Variants in MGRN1 observed in about 807,000 individuals in gnomAD.
MGRN1 encodes mahogunin ring finger 1.
Under a neutral mutation model 69.2 loss-of-function variants are expected in MGRN1, and 29 were observed. The ratio of observed to expected loss-of-function variants is 0.42; its 90% CI spans 0.31 to 0.57. MGRN1 has a LOEUF of 0.57. Among genes scored for constraint, MGRN1 ranks in the 20% least tolerant of loss-of-function variants. MGRN1 has a pLI of 0.15. For synonymous variants in MGRN1, 470 were observed against 344.2 expected (o/e 1.37, Z -4.04); for missense variants, 998 against 796.2 (o/e 1.25, Z -3.05).
intron 13 of MGRN1, 112 bp downstream of exon 13, chr16:4,681,888 C>A: frequency 9.0e-7 from 1 of 1,111,108 alleles, no homozygotes; most frequent in Non-Finnish European, 1.3e-6. Context: ...GGCGATTCCC[C>A]AGAAGGACTC....
At position 4,625,054 on chromosome 16, in the gene MGRN1, C is replaced by T; in HGVS notation, c.88+6C>T. The T allele has an allele frequency of 2.6e-6, 4 of 1,538,030 alleles. No individual in the cohort carries two copies. The highest frequency in any genetic ancestry group is 2.0e-5 in the Admixed American group (1 of 49,692). ...TCGCTACCCTCCGAAGTCCGGTGAGCGCCCGGCCCCAGGCGCGGACTGCTA... is the reference window on the plus strand; with the variant it reads ...TCGCTACCCTCCGAAGTCCGGTGAGTGCCCGGCCCCAGGCGCGGACTGCTA... On this transcript the variant is annotated splice_donor_region_variant and intron_variant, in intron 1 of 16. Coordinates refer to ENST00000262370, the MANE Select transcript of MGRN1 (RefSeq NM_015246.4).
rs75445566 is a variant in MGRN1, at chr16:4,671,258, C to T, written c.727-133C>T. On this transcript the variant is annotated intron_variant, in intron 8 of 16. Coordinates refer to ENST00000262370, the MANE Select transcript of MGRN1 (RefSeq NM_015246.4). ...GGTTTTCCCTGCCCTTCTCCTGGCC[C>T]CCAGGGGTTGAGCTGGACTGACCCC... 3.0e-3 allele frequency: 2,352 copies of T among 786,076 alleles called. 76 individuals are homozygous for T. In the East Asian group the frequency reaches 0.059, roughly 20 times the overall value. The allele number at this position is 786,076 out of a possible 1,614,324, so 48.7% of individuals were successfully genotyped here.
chr16:4,659,680 T>C (rs936835515), intron 5 of MGRN1, among the ~76,000 whole-genome samples: 13 of 152,248 alleles, frequency 8.5e-5, no homozygotes, highest in Admixed American at 2.0e-4. Flanking sequence ...TTGGCGCACA[T>C]AAGGGGCAGC....
intron 16 of MGRN1, chr16:4,687,121 C>G (rs540552686): frequency 2.0e-6 from 2 of 985,326 alleles, no homozygotes; most frequent in South Asian, 4.7e-5. Flanking sequence ...CCCACTGCTG[C>G]CGACTCACCT....
At chr16:4,670,469 T>C (rs766066755) in intron 8 of MGRN1, among the ~76,000 whole-genome samples, 1 of 152,214 alleles carries the variant, frequency 6.6e-6, no homozygotes, top group Non-Finnish European at 1.5e-5. Flanking sequence ...TCTCAAACTT[T>C]TGGGCTCAAG....
In MGRN1 at chr16:4,668,311, T is replaced by C; in HGVS notation, c.725T>C (p.Ile242Thr). The change falls in exon 8 of 17, where the codon ATT (isoleucine) becomes ACT (threonine). Residue 242 changes from isoleucine to threonine, a missense_variant and splice_region_variant. Physicochemically the swap from Ile to Thr is moderately conservative, Grantham distance 89 (BLOSUM62 -1). Coordinates refer to ENST00000262370, the MANE Select transcript of MGRN1 (RefSeq NM_015246.4). ...FSVKPLKQKQIVDRVSYLLQE... is the reference protein window; with the variant it reads ...FSVKPLKQKQTVDRVSYLLQE... The stretch of plus-strand genomic sequence containing the variant: ...GTGAAGCCTTTAAAGCAGAAGCAAA[T>C]TGTAAGTCATCAGAGGAAATATGAC... The C allele has an allele frequency of 1.2e-6, 2 of 1,613,772 alleles. No homozygotes were observed. The highest frequency in any genetic ancestry group is 1.7e-6 in the Non-Finnish European group (2 of 1,179,894).
intron 5 of MGRN1, chr16:4,664,425 C>G (rs2078752413): frequency 1.1e-5 from 5 of 467,014 alleles, no homozygotes; most frequent in South Asian, 1.1e-4. Context: ...ATGAAAAGTT[C>G]TGGAAATGGA....
intron 1 of MGRN1, among the ~76,000 whole-genome samples, chr16:4,643,111 A>G (rs1214769329): frequency 2.6e-5 from 4 of 151,772 alleles, no homozygotes. Context: ...ACACACCACC[A>G]TGCCTGGCTA....
intron 1 of MGRN1, among the ~76,000 whole-genome samples, chr16:4,628,773 G>A (rs1026282029): frequency 6.6e-6 from 1 of 152,286 alleles, no homozygotes; most frequent in African/African-American, 2.4e-5. Context: ...TCGAGCTCCT[G>A]ACCTCAGGTG....
chr16:4,688,739 G>T (rs1321048508), intron 16 of MGRN1, 57 bp from the exon 17 acceptor site: 24 of 1,502,532 alleles, frequency 1.6e-5, no homozygotes, highest in Non-Finnish European at 2.1e-5. Context: ...GGTAGGAGCG[G>T]GTGGCGTGGC....
At chr16:4,667,918 G>A (rs2078842047) in intron 7 of MGRN1, among the ~76,000 whole-genome samples, 1 of 152,172 alleles carries the variant, frequency 6.6e-6, no homozygotes, top group Admixed American at 6.5e-5. Flanking sequence ...ACTTCTCGGT[G>A]TGCAGGAGGC....
intron 1 of MGRN1, among the ~76,000 whole-genome samples, chr16:4,647,107 T>G (rs2078290737): frequency 2.0e-5 from 3 of 152,260 alleles, no homozygotes; most frequent in Admixed American, 2.0e-4. Context: ...CCACACCCTC[T>G]TGCCGTGCTG....
At chr16:4,664,469 T>C (rs190691633) in intron 5 of MGRN1, 22 of 575,460 alleles carry the variant, frequency 3.8e-5, no homozygotes, top group African/African-American at 2.8e-4. Flanking sequence ...AGATGTACTT[T>C]ACTCAACGCT....
intron 5 of MGRN1, among the ~76,000 whole-genome samples, chr16:4,663,321 C>G (rs560428469): frequency 1.2e-4 from 18 of 150,224 alleles, no homozygotes; most frequent in African/African-American, 3.7e-4. Flanking sequence ...CCTAGGCCTC[C>G]CAAAGTGCTG....
At chr16:4,675,904 C>T (rs969861327) in intron 10 of MGRN1, among the ~76,000 whole-genome samples, 2 of 152,216 alleles carry the variant, frequency 1.3e-5, no homozygotes, top group Non-Finnish European at 2.9e-5. Context: ...CCTGAATGTT[C>T]TCAGGGTGAA....
At chr16:4,685,730 C>T (rs1379201641) in intron 16 of MGRN1, among the ~76,000 whole-genome samples, 1 of 152,248 alleles carries the variant, frequency 6.6e-6, no homozygotes, top group Admixed American at 6.5e-5. Flanking sequence ...TTTCACATCA[C>T]AGAGCCCTTG....
intron 4 of MGRN1, among the ~76,000 whole-genome samples, chr16:4,656,934 C>T (rs562408136): frequency 6.6e-6 from 1 of 151,782 alleles, no homozygotes; most frequent in Non-Finnish European, 1.5e-5. Flanking sequence ...AATAAACAAA[C>T]CAACTTAGCA....
rs2078851483 is a variant in MGRN1 at position 4,668,327 on chromosome 16, G to A, written c.726+15G>A. ...AGAAGCAAATTGTAAGTCATCAGAG[G>A]AAATATGACGTGCTTGAATTAAAAG... On this transcript the variant is annotated intron_variant, in intron 8 of 16. Coordinates refer to ENST00000262370, the MANE Select transcript of MGRN1 (RefSeq NM_015246.4). 1.9e-6 allele frequency: 3 copies of A among 1,613,226 alleles called. No homozygotes were observed. The highest frequency in any genetic ancestry group is 2.5e-6 in the Non-Finnish European group (3 of 1,179,456).
At chr16:4,661,002 G>T (rs948745084) in intron 5 of MGRN1, among the ~76,000 whole-genome samples, 1 of 151,980 alleles carries the variant, frequency 6.6e-6, no homozygotes, top group Non-Finnish European at 1.5e-5. Context: ...CTTTTTTTGA[G>T]ACAGGGGCTC....
Sources: allele counts gnomAD v4.1 joint callset (sites outside exome capture counted in the v4.1 genomes callset), GRCh38; gene constraint gnomAD v4.1.1; transcripts MANE v1.5; gene names NCBI Gene and HGNC (gene_info 2026-07-23, HGNC 2026-07-21).